TTC28: variants seen among roughly 807,000 people sequenced by gnomAD.
The protein encoded by TTC28 is tetratricopeptide repeat protein 28.
A neutral mutation model predicts 198.0 loss-of-function variants in TTC28; 61 were observed. The observed-to-expected ratio is 0.31, with a 90% CI of 0.25 to 0.38. The LOEUF (loss-of-function observed/expected upper bound fraction) is 0.38, where lower values mean the gene tolerates loss of function less well. Among genes scored for constraint, TTC28 ranks in the 10% least tolerant of loss-of-function variants. The pLI is 1.00. For missense variants in TTC28, 2,678 were observed against 3,164.0 expected (o/e 0.85, Z 3.69); for synonymous variants, 1,171 against 1,297.8 (o/e 0.90, Z 2.10).
chr22:28,646,702 TA>T (rs34704493), intron 1 of TTC28, among the ~76,000 whole-genome samples: 1 of 152,048 alleles, frequency 6.6e-6, no homozygotes, highest in Admixed American at 6.6e-5. Context: ...CCATCTCTAC[TA>T]AAAATACAAA....
chr22:28,673,629 A>G (rs1390661462), intron 1 of TTC28, among the ~76,000 whole-genome samples: 1 of 152,218 alleles, frequency 6.6e-6, no homozygotes, highest in East Asian at 1.9e-4. Flanking sequence ...ATTGTCCTCT[A>G]ATGTCAATCA....
Position 28,629,809 on chromosome 22 carries a change from T to A in TTC28, c.124A>T (p.Thr42Ser), listed in dbSNP as rs773807737. The A allele has an allele frequency of 2.6e-6, 4 of 1,551,056 alleles. No individual in the cohort carries two copies. The highest frequency in any genetic ancestry group is 4.9e-5 in the East Asian group (2 of 40,922). ...CCATCAGGACTTCTCTGGCCAATAG[T>A]GTCAGCACCAAAGAGAGGAATCTAC... ...SAPIPLFGAD[T>S]IGQRSPDGPV... The change falls in exon 2 of 23, where the codon ACT becomes TCT. Residue 42 changes from threonine to serine, a missense_variant. Thr to Ser is a moderately conservative substitution (Grantham distance 58, BLOSUM62 1). Transcript: ENST00000397906.
At chr22:28,144,880 G>A (rs1943428184) in intron 6 of TTC28, among the ~76,000 whole-genome samples, 3 of 152,190 alleles carry the variant, frequency 2.0e-5, no homozygotes, top group African/African-American at 7.2e-5. Flanking sequence ...GTGCAGAAAA[G>A]CACTGGTTTG....
At chr22:28,433,156 A>C (rs747713209) in intron 2 of TTC28, among the ~76,000 whole-genome samples, 1 of 152,240 alleles carries the variant, frequency 6.6e-6, no homozygotes, top group East Asian at 1.9e-4. Flanking sequence ...TTAAAGCCTC[A>C]GCACAAAGGA....
chr22:28,441,355 T>C (rs2146227062), intron 2 of TTC28, among the ~76,000 whole-genome samples: 1 of 152,136 alleles, frequency 6.6e-6, no homozygotes, highest in Admixed American at 6.5e-5. Flanking sequence ...CTGTTTAAAT[T>C]GCTTAATTAT....
intron 16 of TTC28, 114 bp downstream of exon 16, chr22:27,998,426 G>A: frequency 7.0e-7 from 1 of 1,431,166 alleles, no homozygotes; most frequent in Non-Finnish European, 9.2e-7. Flanking sequence ...AGTCTTCTGT[G>A]GCTGGCCTTG....
At chr22:28,535,331 G>A (rs1016106590) in intron 2 of TTC28, among the ~76,000 whole-genome samples, 3 of 152,078 alleles carry the variant, frequency 2.0e-5, no homozygotes, top group Non-Finnish European at 2.9e-5. Flanking sequence ...CACCACAGAG[G>A]CCTACTTTGT....
intron 2 of TTC28, among the ~76,000 whole-genome samples, chr22:28,480,814 G>A (rs1215431532): frequency 2.0e-5 from 3 of 152,090 alleles, no homozygotes; most frequent in East Asian, 3.9e-4. Context: ...AGTGTTCACA[G>A]CTGATAAAAG....
intron 1 of TTC28, among the ~76,000 whole-genome samples, chr22:28,655,850 C>CA (rs1169715030): frequency 9.0e-5 from 11 of 122,538 alleles, no homozygotes; most frequent in South Asian, 2.9e-4. Context: ...GACTCCGTCT[C>CA]AAAAAAAAGA....
chr22:28,497,678 A>T (rs957418158), intron 2 of TTC28, among the ~76,000 whole-genome samples: 1 of 152,206 alleles, frequency 6.6e-6, no homozygotes, highest in Admixed American at 6.5e-5. Context: ...TCGGAAATAC[A>T]TATGTAGGTG....
At chr22:28,248,399 T>C (rs1930264258) in intron 5 of TTC28, among the ~76,000 whole-genome samples, 1 of 152,094 alleles carries the variant, frequency 6.6e-6, no homozygotes, top group African/African-American at 2.4e-5. Context: ...AAGAGTTAAT[T>C]CCAAAGGTGC....
chr22:28,064,212 T>G (rs1940663726), intron 12 of TTC28, among the ~76,000 whole-genome samples: 1 of 152,140 alleles, frequency 6.6e-6, no homozygotes, highest in African/African-American at 2.4e-5. Flanking sequence ...AGGCTGCTCC[T>G]CAAGAACTGA....
chr22:28,484,974 A>T (rs772166048), intron 2 of TTC28, among the ~76,000 whole-genome samples: 3 of 152,190 alleles, frequency 2.0e-5, no homozygotes, highest in Non-Finnish European at 2.9e-5. Context: ...CTCAAAGTCC[A>T]GTATATTTTT....
chr22:28,207,185 A>G (rs1926482776), intron 5 of TTC28, among the ~76,000 whole-genome samples: 1 of 151,846 alleles, frequency 6.6e-6, no homozygotes, highest in Non-Finnish European at 1.5e-5. Flanking sequence ...AAGCCCTTCA[A>G]AAAGAATGCC....
chr22:28,553,468 C>T (rs1176881933), intron 2 of TTC28, among the ~76,000 whole-genome samples: 3 of 151,736 alleles, frequency 2.0e-5, no homozygotes, highest in Non-Finnish European at 4.4e-5. Flanking sequence ...AGCGCCTCTG[C>T]CCGGCCGCAA....
intron 1 of TTC28, among the ~76,000 whole-genome samples, chr22:28,670,704 C>CATATATATATATTTATAT (rs2051864680): frequency 7.8e-6 from 1 of 128,554 alleles, no homozygotes; most frequent in African/African-American, 2.9e-5. Context: ...GTCTTTAGGG[C>CATATATATATATTTATAT]ATATATATAT....
chr22:28,224,795 A>C (rs1293375937), intron 5 of TTC28, among the ~76,000 whole-genome samples: 1 of 151,740 alleles, frequency 6.6e-6, no homozygotes, highest in Non-Finnish European at 1.5e-5. Flanking sequence ...TTCATTAGAA[A>C]CCTCTATATA....
In TTC28 at chr22:28,106,712, C is replaced by T. The variant is rs190392702; in HGVS notation, c.2783+350G>A. Among the ~76,000 whole-genome samples the T allele has an allele frequency of 2.1e-3, 314 of 152,236 alleles. 2 individuals are homozygous for T. The highest frequency in any genetic ancestry group is 0.02 in the Middle Eastern group (6 of 294). ...GTGGGAGGTATTCAGAAAAGATCAG[C>T]GAAAGTGACTCGTTCACCTTCCCCA... On this transcript the variant is annotated intron_variant, in intron 7 of 22. Transcript: ENST00000397906.
chr22:28,276,012 A>C lies in TTC28; in HGVS notation c.933+20186T>G, dbSNP rs1372792864. Among the ~76,000 whole-genome samples the C allele has an allele frequency of 2.0e-5, 3 of 150,942 alleles. No individual in the cohort carries two copies. In the East Asian group the frequency reaches 5.8e-4, roughly 29 times the overall value. On this transcript the variant is annotated intron_variant, in intron 5 of 22. Transcript: ENST00000397906. The stretch of plus-strand genomic sequence containing the variant: ...AACAAAATAATGACTGTCACCAGTA[A>C]TTTTTTTTTCTTTTTTTTTTAGAAA...
Sources: allele counts gnomAD v4.1 joint callset (sites outside exome capture counted in the v4.1 genomes callset), GRCh38; gene constraint gnomAD v4.1.1; transcripts MANE v1.5; gene names NCBI Gene and HGNC (gene_info 2026-07-23, HGNC 2026-07-21).